The following LCORL variants were observed in gnomAD, a reference collection of about 807,000 sequenced individuals.
LCORL encodes the protein ligand dependent nuclear receptor corepressor like, also known as ligand-dependent nuclear receptor corepressor-like protein.
LCORL carries 41 observed loss-of-function variants against 141.8 expected under a neutral mutation model. That is an observed-to-expected ratio of 0.29 (90% CI 0.23 to 0.38). LCORL has a LOEUF of 0.38. Among genes scored for constraint, LCORL ranks in the 10% least tolerant of loss-of-function variants. The pLI is 1.00. For synonymous variants in LCORL, 618 were observed against 694.1 expected, an observed-to-expected ratio of 0.89 and a Z score of 1.72; for missense variants, 1,759 against 2,035.0, an observed-to-expected ratio of 0.86 and a Z score of 2.61.
chr4:17,877,579 C>T lies in LCORL; in HGVS notation c.1411G>A (p.Ala471Thr), dbSNP rs1727054279. Residue 471 changes from alanine (A) to threonine (T), a missense_variant, in exon 7 of 8, where the codon GCA (alanine) becomes ACA (threonine). By Grantham distance (58) the Ala-to-Thr change is moderately conservative. Coordinates refer to ENST00000635767, the Ensembl canonical transcript of LCORL. ...AGAGATGGAGGCTGGTTAATGTTTG[C>T]TTCAAGTTTGTTATTTTCTAAGGCT... 6.5e-6 allele frequency: 8 copies of T among 1,230,558 alleles called. No individual in the cohort carries two copies. The East Asian group carries it at 1.9e-4, about 29-fold the overall frequency. 76.2% of individuals were successfully genotyped at this position (1,230,558 alleles called of 1,614,324 possible).
chr4:17,882,165 T>C, intron 6 of LCORL: 2 of 983,942 alleles, frequency 2.0e-6, no homozygotes, highest in Non-Finnish European at 2.4e-6. Flanking sequence ...ATTACACGTA[T>C]ATATGATTAT....
At chr4:17,928,340 C>T (rs965046883) in intron 4 of LCORL, among the ~76,000 whole-genome samples, 7 of 152,106 alleles carry the variant, frequency 4.6e-5, no homozygotes, top group African/African-American at 1.4e-4. Flanking sequence ...TTAGCCCAGG[C>T]AGGCAAGGCT....
intron 7 of LCORL, among the ~76,000 whole-genome samples, chr4:17,872,104 C>A (rs1014808623): frequency 1.3e-5 from 2 of 151,582 alleles, no homozygotes; most frequent in Non-Finnish European, 2.9e-5. Context: ...TTCCCCAACC[C>A]CCCCAAAAAC....
Position 17,961,778 on chromosome 4 carries a change from T to A in LCORL, c.430+125A>T, listed in dbSNP as rs1713836378. ...TGTCCCTAAAAATATAAAGAAAAAT[T>A]AAGAATAAAGAAACAATAAAGAGTG... On this transcript the variant is annotated intron_variant, in intron 4 of 7. Coordinates refer to ENST00000635767, the Ensembl canonical transcript of LCORL. The A allele has an allele frequency of 9.0e-6, 6 of 667,712 alleles. 1 individual carries two copies. The South Asian group carries it at 1.3e-4, about 14-fold the overall frequency. The allele number at this position is 667,712 out of a possible 1,614,324, so 41.4% of individuals were successfully genotyped here.
intron 1 of LCORL, among the ~76,000 whole-genome samples, chr4:18,008,961 C>T (rs1181918543): frequency 6.6e-6 from 1 of 151,926 alleles, no homozygotes; most frequent in Non-Finnish European, 1.5e-5. Flanking sequence ...ACATAATGAC[C>T]CACCACTCTT....
chr4:17,876,173 T>C, exon 7 of LCORL: 1 of 1,231,030 alleles, frequency 8.1e-7, no homozygotes, highest in Non-Finnish European at 1.0e-6. Flanking sequence ...CTGGTACATT[T>C]TCAACACTGG....
chr4:17,959,064 C>T (rs1713257106), intron 4 of LCORL, among the ~76,000 whole-genome samples: 1 of 152,028 alleles, frequency 6.6e-6, no homozygotes, highest in South Asian at 2.1e-4. Flanking sequence ...CAATGAATTG[C>T]TTGAGCTGTA....
intron 4 of LCORL, among the ~76,000 whole-genome samples, chr4:17,946,904 T>C (rs779375192): frequency 6.6e-6 from 1 of 152,010 alleles, no homozygotes; most frequent in Non-Finnish European, 1.5e-5. Flanking sequence ...ATGTGCACTG[T>C]TGGTGGAAAT....
At chr4:17,874,784 A>G in exon 7 of LCORL, 1 of 1,233,870 alleles carries the variant, frequency 8.1e-7, no homozygotes, top group Non-Finnish European at 1.0e-6. Context: ...CTAATTTATT[A>G]TCTTCCAAAC....
At chr4:17,960,544 G>A (rs964993171) in intron 4 of LCORL, among the ~76,000 whole-genome samples, 5 of 152,208 alleles carry the variant, frequency 3.3e-5, no homozygotes, top group Non-Finnish European at 7.4e-5. Flanking sequence ...ATACAAGTCT[G>A]ATAACATAAT....
At position 17,990,180 on chromosome 4, in the gene LCORL, G is replaced by C. The variant is rs527574566; in HGVS notation, c.155-17295C>G. ...GTGGCACGATCTCGGCTCACTGCAA[G>C]CTCCGCCTCCTGGGTTCACGCCATT... On this transcript the variant is annotated intron_variant, in intron 1 of 7. Transcript: ENST00000635767. 6.9e-5 allele frequency among the ~76,000 whole-genome samples: 10 copies of C among 144,086 alleles called. No individual in the cohort carries two copies. The South Asian group carries it at 2.0e-3, about 29-fold the overall frequency. The allele number at this position is 144,086 out of a possible 152,430, so 94.5% of individuals were successfully genotyped here.
At chr4:18,000,123 GTTC>G (rs1390200133) in intron 1 of LCORL, among the ~76,000 whole-genome samples, 41 of 129,778 alleles carry the variant, frequency 3.2e-4, no homozygotes, top group African/African-American at 1.2e-3. Flanking sequence ...TAGATTTGTG[GTTC>G]TTTTTTTTTT....
intron 5 of LCORL, among the ~76,000 whole-genome samples, chr4:17,886,848 A>C (rs1212909031): frequency 2.0e-5 from 3 of 152,118 alleles, no homozygotes; most frequent in African/African-American, 7.2e-5. Flanking sequence ...TTACATAAAT[A>C]AAAACTCAAT....
At chr4:17,918,730 A>T (rs1461625314) in intron 4 of LCORL, among the ~76,000 whole-genome samples, 1 of 152,218 alleles carries the variant, frequency 6.6e-6, no homozygotes, top group Non-Finnish European at 1.5e-5. Flanking sequence ...GACACCAATC[A>T]AATGTATCAA....
intron 1 of LCORL, among the ~76,000 whole-genome samples, chr4:18,011,825 T>C (rs1030549553): frequency 2.0e-5 from 3 of 152,214 alleles, no homozygotes; most frequent in Admixed American, 6.5e-5. Context: ...TGTCTGGCCC[T>C]TTAGAGAAAA....
At chr4:17,878,176 T>C (rs1727112363) in exon 7 of LCORL, 2 of 1,229,748 alleles carry the variant, frequency 1.6e-6, no homozygotes, top group Admixed American at 4.2e-5. Context: ...CTTTTTTCCA[T>C]TTTAGTAGCT....
intron 4 of LCORL, among the ~76,000 whole-genome samples, chr4:17,918,903 C>T (rs1283872298): frequency 6.6e-6 from 1 of 151,948 alleles, no homozygotes; most frequent in Non-Finnish European, 1.5e-5. Flanking sequence ...TTAGATGCAT[C>T]CTAATCAAAC....
At chr4:18,018,329 T>C (rs1039347502) in intron 1 of LCORL, among the ~76,000 whole-genome samples, 1 of 152,128 alleles carries the variant, frequency 6.6e-6, no homozygotes, top group Non-Finnish European at 1.5e-5. Context: ...ATTTGTGACA[T>C]GAGCTACTGA....
chr4:17,877,009 A>C, exon 7 of LCORL: 1 of 1,230,670 alleles, frequency 8.1e-7, no homozygotes, highest in Middle Eastern at 3.1e-4. Flanking sequence ...TCTGATGAAG[A>C]TATCTCATTG....
Sources: gnomAD v4.1 joint callset for allele counts (sites outside exome capture counted in the v4.1 genomes callset) on GRCh38, gnomAD v4.1.1 for gene constraint, MANE v1.5 for transcripts, NCBI Gene and HGNC (gene_info 2026-07-23, HGNC 2026-07-21) for gene names.